The following VWA3B variants were observed in gnomAD, a reference collection of about 807,000 sequenced individuals.
VWA3B encodes the protein von Willebrand factor A domain-containing protein 3B.
A neutral mutation model predicts 158.3 loss-of-function variants in VWA3B; 138 were observed. That is an observed-to-expected ratio of 0.87 (90% CI 0.76 to 1.00). The LOEUF (loss-of-function observed/expected upper bound fraction) is 1.00, where lower values mean the gene tolerates loss of function less well. Among genes scored for constraint, VWA3B ranks in the 50% least tolerant of loss-of-function variants. The pLI is 0.00. For missense variants in VWA3B, 1,555 were observed against 1,565.1 expected, an observed-to-expected ratio of 0.99 and a Z score of 0.11; for synonymous variants, 596 against 587.3, an observed-to-expected ratio of 1.01 and a Z score of -0.21.
intron 8 of VWA3B, 67 bp from the exon 9 acceptor site, chr2:98,180,949 A>G (rs952784510): frequency 2.0e-6 from 3 of 1,502,340 alleles, no homozygotes; most frequent in Admixed American, 1.9e-5. Context: ...GTTGGTCAAT[A>G]TTAAGTTGGG....
the VWA3B span, among the ~76,000 whole-genome samples, chr2:98,322,491 T>A: frequency 2.0e-5 from 3 of 152,248 alleles, no homozygotes; most frequent in Admixed American, 2.0e-4. Flanking sequence ...GATTCCTAGC[T>A]AGCCCCTAAA....
intron 22 of VWA3B, among the ~76,000 whole-genome samples, chr2:98,279,798 C>A (rs1035739336): frequency 1.3e-5 from 2 of 152,160 alleles, no homozygotes; most frequent in Admixed American, 1.3e-4. Context: ...TGCCTCAAGA[C>A]AGCAAAAATT....
chr2:98,251,821 G>A (rs1047433105), intron 20 of VWA3B, among the ~76,000 whole-genome samples: 14 of 152,042 alleles, frequency 9.2e-5, no homozygotes, highest in South Asian at 2.1e-4. Context: ...CCCCTTTAAC[G>A]TGAGCCTCCA....
intron 7 of VWA3B, 129 bp from the exon 8 acceptor site, chr2:98,162,722 G>C: frequency 1.5e-6 from 2 of 1,293,072 alleles, no homozygotes; most frequent in South Asian, 1.5e-5. Flanking sequence ...AGAGATTAGT[G>C]GGGGAAGCGG....
intron 12 of VWA3B, among the ~76,000 whole-genome samples, chr2:98,197,065 A>T (rs1222043508): frequency 6.6e-6 from 1 of 152,180 alleles, no homozygotes; most frequent in East Asian, 1.9e-4. Flanking sequence ...CCAGCCAAGG[A>T]TCTCACATGA....
chr2:98,256,196 T>C, intron 21 of VWA3B, 22 bp downstream of exon 21: 1 of 1,506,194 alleles, frequency 6.6e-7, no homozygotes. Flanking sequence ...CATTCCCTCC[T>C]CACTTTTTTT....
At chr2:98,116,150 C>T (rs1047594241) in intron 3 of VWA3B, among the ~76,000 whole-genome samples, 7 of 152,138 alleles carry the variant, frequency 4.6e-5, no homozygotes, top group African/African-American at 1.4e-4. Flanking sequence ...GCCTTTACTC[C>T]CAGCAATTCA....
the VWA3B span, among the ~76,000 whole-genome samples, chr2:98,325,647 T>A: frequency 8.5e-5 from 13 of 152,344 alleles, no homozygotes; most frequent in East Asian, 2.3e-3. Context: ...TATTTTTCTG[T>A]GTATTTCCTT....
intron 7 of VWA3B, 44 bp from the exon 8 acceptor site, chr2:98,162,778 AGGCCTGCTAGGCGGGCTGCCACATTCCTG>A (rs1338396068): frequency 3.8e-6 from 6 of 1,576,218 alleles, no homozygotes; most frequent in Non-Finnish European, 5.2e-6. Context: ...GCAATGCGTC[AGGCCTGCTAGGCGGGCTGCCACATTCCTG>A]GGCCTGTCTC....
rs774466632 is a variant in VWA3B at position 98,312,046 on chromosome 2, G to T, written c.3735+14G>T. On this transcript the variant is annotated intron_variant, in intron 27 of 27. Transcript: ENST00000477737. ...CCCGAGCCCAGGGTTTGGGTGATGGGGGGGGAACACAACATCGCTTATCTC... is the reference window on the plus strand; with the variant it reads ...CCCGAGCCCAGGGTTTGGGTGATGGTGGGGGAACACAACATCGCTTATCTC... The T allele has an allele frequency of 3.7e-5, 59 of 1,592,162 alleles. No homozygotes were observed. Among genetic ancestry groups the T allele is most frequent in the Admixed American group, 3.5e-4 (20 of 56,372 alleles).
At chr2:98,190,400 A>G (rs987517585) in intron 10 of VWA3B, among the ~76,000 whole-genome samples, 5 of 152,188 alleles carry the variant, frequency 3.3e-5, no homozygotes, top group Admixed American at 6.5e-5. Context: ...TCTTGTAACT[A>G]GATTAGAAAC....
intron 3 of VWA3B, among the ~76,000 whole-genome samples, chr2:98,116,163 A>G (rs1674518605): frequency 6.6e-6 from 1 of 152,146 alleles, no homozygotes; most frequent in Non-Finnish European, 1.5e-5. Flanking sequence ...GCAATTCAGC[A>G]CCTGAGTCTC....
chr2:98,216,051 T>A (rs1040094333), intron 13 of VWA3B, among the ~76,000 whole-genome samples: 4 of 152,218 alleles, frequency 2.6e-5, no homozygotes, highest in Non-Finnish European at 4.4e-5. Flanking sequence ...GTGTTATTAT[T>A]CCAAATATTC....
chr2:98,220,097 G>A (rs1192620669), intron 14 of VWA3B, among the ~76,000 whole-genome samples: 1 of 146,954 alleles, frequency 6.8e-6, no homozygotes, highest in Non-Finnish European at 1.5e-5. Flanking sequence ...CCGGGAGGCA[G>A]AGGCTGCAGT....
intron 12 of VWA3B, among the ~76,000 whole-genome samples, chr2:98,196,379 T>C (rs1682041890): frequency 1.3e-5 from 2 of 152,214 alleles, no homozygotes; most frequent in African/African-American, 4.8e-5. Flanking sequence ...ATACCATATA[T>C]ACAATTTTAT....
At chr2:98,206,232 A>C (rs1683010723) in intron 12 of VWA3B, 1 of 154,478 alleles carries the variant, frequency 6.5e-6, no homozygotes, top group Admixed American at 6.5e-5. Flanking sequence ...TGCTACTCCA[A>C]GCTCAGGTCT....
chr2:98,102,503 T>C (rs1683155934), intron 2 of VWA3B, among the ~76,000 whole-genome samples: 1 of 152,146 alleles, frequency 6.6e-6, no homozygotes, highest in Admixed American at 6.5e-5. Flanking sequence ...GCAGAGACGC[T>C]ACTCACTTCC....
chr2:98,324,862 A>G, the VWA3B span, among the ~76,000 whole-genome samples: 1 of 152,124 alleles, frequency 6.6e-6, no homozygotes, highest in Non-Finnish European at 1.5e-5. Flanking sequence ...CTATTAAAAA[A>G]CAAACAAATG....
chr2:98,235,957 C>G (rs1574158777), intron 17 of VWA3B, among the ~76,000 whole-genome samples: 1 of 152,158 alleles, frequency 6.6e-6, no homozygotes, highest in Non-Finnish European at 1.5e-5. Flanking sequence ...TACAACTAAA[C>G]AGGACCTAAC....
Sources: gnomAD v4.1 joint callset for allele counts (sites outside exome capture counted in the v4.1 genomes callset) on GRCh38, gnomAD v4.1.1 for gene constraint, MANE v1.5 for transcripts, NCBI Gene and HGNC (gene_info 2026-07-23, HGNC 2026-07-21) for gene names.